NFYB: variants seen among roughly 807,000 people sequenced by gnomAD.
NFYB encodes the protein nuclear transcription factor Y subunit beta, also known as CAAT box DNA-binding protein subunit B.
In NFYB, 13 loss-of-function variants were observed where a neutral mutation model predicts 28.0. The observed-to-expected ratio is 0.46, with a 90% CI of 0.30 to 0.74. The LOEUF (loss-of-function observed/expected upper bound fraction) is 0.74. Among genes scored for constraint, NFYB ranks in the 30% least tolerant of loss-of-function variants. NFYB has a pLI of 0.07. For synonymous variants in NFYB, 74 were observed against 75.0 expected (o/e 0.99, Z 0.07); for missense variants, 142 against 247.6 (o/e 0.57, Z 2.86).
intron 2 of NFYB, among the ~76,000 whole-genome samples, chr12:104,132,687 G>C (rs893493543): frequency 6.6e-6 from 1 of 152,204 alleles, no homozygotes; most frequent in Non-Finnish European, 1.5e-5. Context: ...ACAGACAGCT[G>C]TCACCGCAGA....
intron 1 of NFYB, among the ~76,000 whole-genome samples, chr12:104,136,664 G>T (rs1232954590): frequency 6.6e-6 from 1 of 152,122 alleles, no homozygotes. Context: ...GGAGAGGGGG[G>T]TGTGGGCAGG....
intron 7 of NFYB, among the ~76,000 whole-genome samples, chr12:104,120,059 A>T (rs2030406992): frequency 6.7e-6 from 1 of 149,984 alleles, no homozygotes. Context: ...ATAATAAAAA[A>T]AAAATTTTTT....
At chr12:104,131,203 G>C (rs747002113) in intron 2 of NFYB, 8 of 152,364 alleles carry the variant, frequency 5.3e-5, no homozygotes, top group Non-Finnish European at 1.0e-4. Context: ...TAAAAGTGAA[G>C]ATAAAAGTAT....
Position 104,125,577 on chromosome 12 carries a change from A to G in NFYB, c.231+537T>C, listed in dbSNP as rs532056561. Among the ~76,000 whole-genome samples the G allele has an allele frequency of 1.8e-3, 275 of 152,200 alleles. 1 individual carries two copies. Among genetic ancestry groups the G allele is most frequent in the African/African-American group, 6.5e-3 (269 of 41,522 alleles). ...TTTTTAAAACAGTCGGGCCAGGCAC[A>G]GTGGCTCATGTCTATAATCCCAGCA... On this transcript the variant is annotated intron_variant, in intron 4 of 7. Coordinates refer to ENST00000240055, the MANE Select transcript of NFYB (RefSeq NM_006166.4).
chr12:104,137,656 G>A (rs935155814), intron 1 of NFYB: 3 of 149,156 alleles, frequency 2.0e-5, no homozygotes, highest in Non-Finnish European at 4.5e-5. Flanking sequence ...AAAGCGCCGG[G>A]CCCCGCCACA....
At position 104,132,144 on chromosome 12, in the gene NFYB, G is replaced by A. The variant is rs1707598836; in HGVS notation, c.6+3304C>T. ...ACAAAGATGTTTTGTTATGTGCTAT[G>A]TGAGTTTACTCCAAAAGGGACCTCA... On this transcript the variant is annotated intron_variant, in intron 2 of 7. Coordinates refer to ENST00000240055, the MANE Select transcript of NFYB (RefSeq NM_006166.4). Among the ~76,000 whole-genome samples the A allele has an allele frequency of 2.0e-5, 3 of 152,250 alleles. No homozygotes were observed. The South Asian group carries it at 6.2e-4, about 31-fold the overall frequency.
chr12:104,119,213 A>C lies in NFYB; in HGVS notation c.*524T>G, dbSNP rs1254183467. ...TTAAACTATTAATGTTTTACCAAAA[A>C]AATAATAATTTTAATAAATACAGCA... On this transcript the variant is annotated 3_prime_UTR_variant, in exon 8 of 8. Coordinates refer to ENST00000240055, the MANE Select transcript of NFYB (RefSeq NM_006166.4). The C allele has an allele frequency of 3.3e-5, 5 of 152,346 alleles. No homozygotes were observed. Among genetic ancestry groups the C allele is most frequent in the African/African-American group, 4.8e-5 (2 of 41,452 alleles). 9.4% of individuals were successfully genotyped at this position (152,346 alleles called of 1,614,324 possible).
At chr12:104,121,420 A>T (rs776016686) in intron 5 of NFYB, 99 bp from the exon 6 acceptor site, 8 of 958,544 alleles carry the variant, frequency 8.3e-6, no homozygotes, top group Non-Finnish European at 1.3e-5. Context: ...TTCTATTATT[A>T]CAAACTCTAA....
chr12:104,127,663 C>CCT (rs2077168910), intron 3 of NFYB, among the ~76,000 whole-genome samples: 10 of 92,880 alleles, frequency 1.1e-4, no homozygotes, highest in African/African-American at 4.6e-4. Flanking sequence ...ATAACACTGC[C>CCT]TTTTTTTTTT....
intron 5 of NFYB, among the ~76,000 whole-genome samples, chr12:104,122,450 G>A (rs972565419): frequency 1.3e-5 from 2 of 152,180 alleles, no homozygotes; most frequent in South Asian, 2.1e-4. Flanking sequence ...ATGAGTGTCC[G>A]TGGCCTGTTA....
rs199809633 is a variant in NFYB at position 104,126,136 on chromosome 12, T to G, written c.209A>C (p.Asn70Thr). 1 of 1,587,368 alleles carries G rather than the reference T, an allele frequency of 6.3e-7. No homozygotes were observed. Among genetic ancestry groups the G allele is most frequent in the Admixed American group, 1.9e-5 (1 of 53,878 alleles). ...PIANVARIMK[N>T]AIPQTGKIAK... ...TACCTTTCCCGTTTGAGGTATGGCA[T>G]TTTTCATTATCCTAGCCACGTTTGC... Residue 70 changes from asparagine to threonine, a missense_variant, in exon 4 of 8, where the codon AAT (asparagine) becomes ACT (threonine). By Grantham distance (65) the Asn-to-Thr change is moderately conservative (BLOSUM62 0). Coordinates refer to ENST00000240055, the MANE Select transcript of NFYB (RefSeq NM_006166.4).
chr12:104,122,425 C>T (rs1337130104), intron 5 of NFYB, among the ~76,000 whole-genome samples: 1 of 152,176 alleles, frequency 6.6e-6, no homozygotes, highest in African/African-American at 2.4e-5. Flanking sequence ...TCCCCAACCC[C>T]CAGGCTGCAG....
At chr12:104,122,636 C>G (rs972513267) in intron 5 of NFYB, among the ~76,000 whole-genome samples, 1 of 152,176 alleles carries the variant, frequency 6.6e-6, no homozygotes, top group Non-Finnish European at 1.5e-5. Context: ...TAACTAATGC[C>G]TGATGATCTG....
At position 104,118,677 on chromosome 12, in the gene NFYB, G is replaced by A. The variant is rs2030352982; in HGVS notation, c.*1060C>T. On this transcript the variant is annotated 3_prime_UTR_variant, in exon 8 of 8. Transcript: ENST00000240055. ...CATTATTTACGTTTAGTTTATTGCA[G>A]AGATGAAGACAGCATACTAGAAGTT... The A allele has an allele frequency of 6.6e-6, 1 of 152,198 alleles. No homozygotes were observed. Among genetic ancestry groups the A allele is most frequent in the Admixed American group, 6.5e-5 (1 of 15,280 alleles). 9.4% of individuals were successfully genotyped at this position (152,198 alleles called of 1,614,324 possible).
At chr12:104,133,064 A>AT (rs1246008352) in intron 2 of NFYB, among the ~76,000 whole-genome samples, 1 of 152,162 alleles carries the variant, frequency 6.6e-6, no homozygotes, top group Admixed American at 6.5e-5. Context: ...ATAAATCTTT[A>AT]TTTTTTTGAT....
chr12:104,134,529 C>G (rs1565828190), intron 2 of NFYB, among the ~76,000 whole-genome samples: 1 of 152,110 alleles, frequency 6.6e-6, no homozygotes, highest in Non-Finnish European at 1.5e-5. Flanking sequence ...TTTCCCTTTC[C>G]TATTTCCACT....
Position 104,121,285 on chromosome 12 carries a change from T to C in NFYB, c.466A>G (p.Thr156Ala). 6.2e-7 allele frequency: 1 copy of C among 1,612,822 alleles called. No individual in the cohort carries two copies. The highest frequency in any genetic ancestry group is 8.5e-7 in the Non-Finnish European group (1 of 1,179,692). Residue 156 changes from threonine to alanine, a missense_variant, in exon 6 of 8, where the codon ACA becomes GCA. Thr to Ala is a moderately conservative substitution (Grantham distance 58). Transcript: ENST00000240055. The stretch of plus-strand genomic sequence containing the variant: ...TCTTCACTTAGTCCATCTGTAGCTG[T>C]GACTGCTCCACCAATTCCCTTTTCT... ...KGEKGIGGAV[T>A]ATDGLSEELT...
intron 3 of NFYB, among the ~76,000 whole-genome samples, chr12:104,128,025 T>C (rs1316907176): frequency 6.6e-6 from 1 of 152,100 alleles, no homozygotes; most frequent in Admixed American, 6.6e-5. Context: ...AAAGTTAATA[T>C]TGAATGAAAA....
intron 5 of NFYB, among the ~76,000 whole-genome samples, chr12:104,122,421 A>G (rs984177627): frequency 5.9e-5 from 9 of 152,152 alleles, no homozygotes; most frequent in African/African-American, 2.2e-4. Context: ...GTGATCCCCA[A>G]CCCCCAGGCT....
Sources: allele counts gnomAD v4.1 joint callset (sites outside exome capture counted in the v4.1 genomes callset), GRCh38; gene constraint gnomAD v4.1.1; transcripts MANE v1.5; gene names NCBI Gene and HGNC (gene_info 2026-07-23, HGNC 2026-07-21).